FLACC1: variants seen among roughly 807,000 people sequenced by gnomAD.
FLACC1 encodes flagellum-associated coiled-coil domain-containing protein 1.
A neutral mutation model predicts 62.8 loss-of-function variants in FLACC1; 66 were observed. The ratio of observed to expected loss-of-function variants is 1.05; its 90% CI spans 0.86 to 1.29. FLACC1 has a LOEUF of 1.29. Among genes scored for constraint, FLACC1 ranks in the 50% most tolerant of loss-of-function variants. FLACC1 has a pLI of 0.00. For synonymous variants in FLACC1, 156 were observed against 161.0 expected, an observed-to-expected ratio of 0.97 and a Z score of 0.24; for missense variants, 452 against 489.1, an observed-to-expected ratio of 0.92 and a Z score of 0.71.
chr2:201,360,983 T>A (rs1161083428), upstream of FLACC1, among the ~76,000 whole-genome samples: 1 of 151,790 alleles, frequency 6.6e-6, no homozygotes, highest in Non-Finnish European at 1.5e-5. Context: ...GAGGTTGAGG[T>A]GGAAGAATTG....
rs3731711 is a variant in FLACC1 at position 201,348,338 on chromosome 2, C to G, written c.186-36G>C. The G allele has an allele frequency of 0.17, 266,253 of 1,605,492 alleles. 25,465 individuals carry two copies. The highest frequency in any genetic ancestry group is 0.38 in the African/African-American group (28,670 of 74,708). The stretch of plus-strand genomic sequence containing the variant: ...AAGACATGCTCAGAAAGCAACCAGA[C>G]AGCAAAGAGAAGTTCAAAGCTTAGG... On this transcript the variant is annotated intron_variant, in intron 3 of 14. Coordinates refer to ENST00000392257, the MANE Select transcript of FLACC1 (RefSeq NM_001127391.3).
intron 11 of FLACC1, among the ~76,000 whole-genome samples, chr2:201,305,353 T>C (rs1257439317): frequency 2.0e-5 from 3 of 152,290 alleles, no homozygotes; most frequent in African/African-American, 7.2e-5. Context: ...TCACTGGCCA[T>C]CAGAGAAATG....
Position 201,288,636 on chromosome 2 carries a change from A to T in FLACC1, c.*19T>A. The T allele has an allele frequency of 5.0e-6, 8 of 1,612,864 alleles. No individual in the cohort carries two copies. The highest frequency in any genetic ancestry group is 6.8e-6 in the Non-Finnish European group (8 of 1,179,370). On this transcript the variant is annotated 3_prime_UTR_variant, in exon 15 of 15. Coordinates refer to ENST00000392257, the MANE Select transcript of FLACC1 (RefSeq NM_001127391.3). ...AATGGTGTGCCAACCATCTTCAACAATGCAGAGCAACTTTTTGTTTATGAT... is the reference window on the plus strand; with the variant it reads ...AATGGTGTGCCAACCATCTTCAACATTGCAGAGCAACTTTTTGTTTATGAT...
chr2:201,331,180 G>A (rs775467629), intron 7 of FLACC1, among the ~76,000 whole-genome samples: 25 of 151,778 alleles, frequency 1.6e-4, no homozygotes, highest in Non-Finnish European at 2.8e-4. Flanking sequence ...TGGTGTCCAG[G>A]CTGGTTTCAA....
In FLACC1 at chr2:201,327,067, T is replaced by C. The variant is rs184382521; in HGVS notation, c.675+3403A>G. On this transcript the variant is annotated intron_variant, in intron 9 of 14. Coordinates refer to ENST00000392257, the MANE Select transcript of FLACC1 (RefSeq NM_001127391.3). ...TTGACAAAGCAAACAAAAACATAAATTGGGGAATGATACTTTATTTAATAA... is the reference window on the plus strand; with the variant it reads ...TTGACAAAGCAAACAAAAACATAAACTGGGGAATGATACTTTATTTAATAA... Among the ~76,000 whole-genome samples, 389 of 152,076 alleles carry C rather than the reference T, an allele frequency of 2.6e-3. 4 individuals carry two copies. The highest frequency in any genetic ancestry group is 8.6e-3 in the African/African-American group (355 of 41,512).
chr2:201,304,970 C>A (rs1372591112), intron 11 of FLACC1, among the ~76,000 whole-genome samples: 2 of 152,106 alleles, frequency 1.3e-5, no homozygotes, highest in African/African-American at 4.8e-5. Flanking sequence ...GACCTAAAAC[C>A]ATAAAAACCC....
rs1404178858 is a variant in FLACC1 at position 201,326,904 on chromosome 2, C to T, written c.675+3566G>A. Among the ~76,000 whole-genome samples the T allele has an allele frequency of 3.3e-5, 5 of 152,140 alleles. No homozygotes were observed. The highest frequency in any genetic ancestry group is 7.2e-5 in the African/African-American group (3 of 41,442). Reference sequence around the variant, plus strand: ...AAAAAGAACAAATCTGGAGGTATCACATTACTAGACTTCAGATTATACTAC... The same window carrying T: ...AAAAAGAACAAATCTGGAGGTATCATATTACTAGACTTCAGATTATACTAC... On this transcript the variant is annotated intron_variant, in intron 9 of 14. Coordinates refer to ENST00000392257, the MANE Select transcript of FLACC1 (RefSeq NM_001127391.3). This position sits in a 1 kb window ranked among gnomAD's most constrained non-coding sequence, Gnocchi z 4.1.
chr2:201,295,933 C>A (rs574879115), intron 12 of FLACC1, among the ~76,000 whole-genome samples: 28 of 152,286 alleles, frequency 1.8e-4, no homozygotes, highest in African/African-American at 5.8e-4. Context: ...CACTGGCCAT[C>A]AGAGAAATGC....
At chr2:201,360,613 C>T (rs1356393177), upstream of FLACC1, among the ~76,000 whole-genome samples, 3 of 152,180 alleles carry the variant, frequency 2.0e-5, no homozygotes, top group East Asian at 1.9e-4. Flanking sequence ...TGGTGCTATG[C>T]TAACTCCCAT....
At chr2:201,341,492 C>G (rs935590873) in intron 7 of FLACC1, among the ~76,000 whole-genome samples, 2 of 149,702 alleles carry the variant, frequency 1.3e-5, no homozygotes, top group East Asian at 3.9e-4. Context: ...TATATACACT[C>G]ACACTACACA....
chr2:201,354,811 G>A (rs982165135), intron 1 of FLACC1, among the ~76,000 whole-genome samples: 3 of 152,224 alleles, frequency 2.0e-5, no homozygotes, highest in Non-Finnish European at 4.4e-5. Flanking sequence ...CCCACTTCTA[G>A]CAACTGCCTT....
intron 4 of FLACC1, among the ~76,000 whole-genome samples, chr2:201,347,800 C>A (rs759492854): frequency 1.3e-5 from 2 of 152,250 alleles, no homozygotes; most frequent in African/African-American, 2.4e-5. Context: ...GGGTCGGGCC[C>A]ACACTCCCAG....
intron 1 of FLACC1, among the ~76,000 whole-genome samples, chr2:201,354,651 T>A (rs1421857419): frequency 6.6e-6 from 1 of 152,010 alleles, no homozygotes; most frequent in Non-Finnish European, 1.5e-5. Context: ...GGAATTCAGG[T>A]GAGAGTCTGA....
chr2:201,350,418 C>T (rs1951001524), intron 3 of FLACC1, among the ~76,000 whole-genome samples: 1 of 151,848 alleles, frequency 6.6e-6, no homozygotes, highest in African/African-American at 2.4e-5. Context: ...GTGGCTCACA[C>T]CTGTAATCCC....
intron 9 of FLACC1, among the ~76,000 whole-genome samples, chr2:201,313,167 C>T (rs1014740112): frequency 5.9e-5 from 9 of 152,194 alleles, no homozygotes; most frequent in African/African-American, 2.2e-4. Flanking sequence ...AGGAAAACTC[C>T]AGCTGAATTT....
chr2:201,300,277 T>C (rs1949950903), intron 11 of FLACC1, among the ~76,000 whole-genome samples: 1 of 152,154 alleles, frequency 6.6e-6, no homozygotes, highest in South Asian at 2.1e-4. Context: ...GGAGATTATA[T>C]CCCATGCATG....
At chr2:201,296,935 C>T (rs950440194) in intron 12 of FLACC1, among the ~76,000 whole-genome samples, 9 of 152,132 alleles carry the variant, frequency 5.9e-5, no homozygotes, top group African/African-American at 2.2e-4. Flanking sequence ...GAGAATACTA[C>T]AGTCGTGTAG....
chr2:201,307,529 T>C lies in FLACC1; in HGVS notation c.869A>G (p.Gln290Arg), dbSNP rs746894590. 1 of 1,613,898 alleles carries C rather than the reference T, an allele frequency of 6.2e-7. No homozygotes were observed. Among genetic ancestry groups the C allele is most frequent in the South Asian group, 1.1e-5 (1 of 91,072 alleles). ...TTTGGGCTGAGTTACCTCCTTCTCT[T>C]GAATGAAGTTCTCAAAGACAGCACT... ...SCSAVFENFIQEKEELLKQHQ... is the reference protein window; with the variant it reads ...SCSAVFENFIREKEELLKQHQ... The change falls in exon 11 of 15, where the codon CAA (glutamine) becomes CGA (arginine). Residue 290 changes from glutamine to arginine, a missense_variant. By Grantham distance (43) the Gln-to-Arg change is conservative (BLOSUM62 1). This residue lies in a region of FLACC1 where 301 missense variants were observed against 318.4 expected (regional missense o/e 0.95). Transcript: ENST00000392257.
At chr2:201,289,828 A>G (rs767148538) in intron 12 of FLACC1, 43 bp from the exon 13 acceptor site, 10 of 1,613,972 alleles carry the variant, frequency 6.2e-6, no homozygotes, top group African/African-American at 4.0e-5. Flanking sequence ...GCCAATGTCT[A>G]TTTATTTGGT....
Sources: gnomAD v4.1 joint callset for allele counts (sites outside exome capture counted in the v4.1 genomes callset) on GRCh38, gnomAD v4.1.1 for gene constraint, gnomAD v4.1.1 regional missense constraint, Gnocchi (gnomAD v3.1) non-coding constraint, MANE v1.5 for transcripts, NCBI Gene and HGNC (gene_info 2026-07-23, HGNC 2026-07-21) for gene names.